SLC24A1: variants seen among roughly 807,000 people sequenced by gnomAD.
SLC24A1 encodes the protein solute carrier family 24 member 1.
In SLC24A1, 52 loss-of-function variants were observed where a neutral mutation model predicts 88.1. That is an observed-to-expected ratio of 0.59 (90% CI 0.47 to 0.74). The LOEUF is 0.74. Among genes scored for constraint, SLC24A1 ranks in the 30% least tolerant of loss-of-function variants. SLC24A1 has a pLI of 0.00. For synonymous variants in SLC24A1, 455 were observed against 498.0 expected, an observed-to-expected ratio of 0.91 and a Z score of 1.15; for missense variants, 1,173 against 1,363.3, an observed-to-expected ratio of 0.86 and a Z score of 2.20.
At chr15:65,652,025 T>G (rs1217142853) in intron 8 of SLC24A1, 2 of 447,020 alleles carry the variant, frequency 4.5e-6, no homozygotes, top group Non-Finnish European at 8.4e-6. Context: ...TTAGCCTTAT[T>G]TCCTGCTTTC....
intron 6 of SLC24A1, among the ~76,000 whole-genome samples, chr15:65,649,849 T>A (rs1335805027): frequency 6.6e-6 from 1 of 152,208 alleles, no homozygotes; most frequent in Non-Finnish European, 1.5e-5. Context: ...AAACATTGTA[T>A]CTAAGACAAG....
At chr15:65,621,229 A>C (rs2074308250), upstream of SLC24A1, among the ~76,000 whole-genome samples, 1 of 152,236 alleles carries the variant, frequency 6.6e-6, no homozygotes, top group African/African-American at 2.4e-5. Flanking sequence ...TGAATGATTG[A>C]AAGGGCTTCC....
intron 2 of SLC24A1, among the ~76,000 whole-genome samples, chr15:65,636,957 C>T (rs975449924): frequency 1.3e-5 from 2 of 151,638 alleles, no homozygotes; most frequent in Non-Finnish European, 2.9e-5. Flanking sequence ...CTCACCTTTA[C>T]TGAGCACCTC....
chr15:65,611,511 G>A (rs936677889), exon 1 of SLC24A1: 1 of 375,664 alleles, frequency 2.7e-6, no homozygotes, highest in African/African-American at 2.0e-5. Context: ...TCACACTTTT[G>A]TCCCCTCACT....
At chr15:65,646,377 G>T (rs146791790) in intron 6 of SLC24A1, among the ~76,000 whole-genome samples, 1 of 151,874 alleles carries the variant, frequency 6.6e-6, no homozygotes, top group East Asian at 1.9e-4. Context: ...ACGCCCGGCC[G>T]TCTCCATGTT....
chr15:65,643,535 T>G (rs957209902), intron 4 of SLC24A1, among the ~76,000 whole-genome samples: 3 of 152,210 alleles, frequency 2.0e-5, no homozygotes, highest in African/African-American at 7.2e-5. Context: ...CTTGCACCAC[T>G]GCCTTCGCCC....
At chr15:65,646,230 C>T (rs1041609530) in intron 6 of SLC24A1, among the ~76,000 whole-genome samples, 10 of 151,980 alleles carry the variant, frequency 6.6e-5, no homozygotes, top group Non-Finnish European at 1.5e-4. Context: ...CCATGTTTTT[C>T]TTTTTTTTAT....
chr15:65,653,629 GTT>G (rs2075580716), intron 9 of SLC24A1, among the ~76,000 whole-genome samples, 199 bp from the exon 10 acceptor site: 1 of 152,096 alleles, frequency 6.6e-6, no homozygotes, highest in African/African-American at 2.4e-5. Context: ...AGCTCTTCTA[GTT>G]ATTAATGAGT....
chr15:65,650,341 G>A lies in SLC24A1; in HGVS notation c.2233-41G>A. Reference sequence around the variant, plus strand: ...GGGAGTAACATAAGGAAAACAAGCAGAGCAGTTACCACACATTAATCTGTT... The same window carrying A: ...GGGAGTAACATAAGGAAAACAAGCAAAGCAGTTACCACACATTAATCTGTT... On this transcript the variant is annotated intron_variant, in intron 6 of 9. Coordinates refer to ENST00000261892, the MANE Select transcript of SLC24A1 (RefSeq NM_004727.3). The surrounding 1 kb of genome is among the most constrained non-coding windows in gnomAD (Gnocchi z 4.1). 1 of 1,487,598 alleles carries A rather than the reference G, an allele frequency of 6.7e-7. No individual in the cohort carries two copies. Among genetic ancestry groups the A allele is most frequent in the Non-Finnish European group, 9.1e-7 (1 of 1,097,674 alleles). 92.1% of individuals were successfully genotyped at this position (1,487,598 alleles called of 1,614,324 possible).
chr15:65,615,456 G>A (rs1008663959), intron 2 of SLC24A1, among the ~76,000 whole-genome samples: 10 of 152,234 alleles, frequency 6.6e-5, no homozygotes, highest in Admixed American at 5.2e-4. Flanking sequence ...GCCGAGGTGG[G>A]TAGATCACTT....
rs557785446 is a variant in SLC24A1 at position 65,641,685 on chromosome 15, C to T, written c.2053+1982C>T. 5.3e-5 allele frequency among the ~76,000 whole-genome samples: 8 copies of T among 152,310 alleles called. No individual in the cohort carries two copies. In the East Asian group the frequency reaches 5.8e-4, roughly 11 times the overall value. On this transcript the variant is annotated intron_variant, in intron 4 of 9. Transcript: ENST00000261892. ...CCTGACAGCCTCTGGTGATGAGTGC[C>T]GGGGTGCTCTGGCCAGGGCCCCATG...
At chr15:65,648,454 G>T (rs535472111) in intron 6 of SLC24A1, among the ~76,000 whole-genome samples, 1 of 152,032 alleles carries the variant, frequency 6.6e-6, no homozygotes, top group South Asian at 2.1e-4. Context: ...CTAATCTGAG[G>T]ACACTCTGAA....
rs1196337592 is a variant in SLC24A1, at chr15:65,650,808, GA to G, written c.2661del (p.Glu888ArgfsTer36). The G allele has an allele frequency of 6.2e-7, 1 of 1,613,632 alleles. No individual in the cohort carries two copies. On this transcript the variant is annotated frameshift_variant, in exon 7 of 10. Coordinates refer to ENST00000261892, the MANE Select transcript of SLC24A1 (RefSeq NM_004727.3). LOFTEE classifies it high-confidence loss of function. The surrounding 1 kb of genome is among the most constrained non-coding windows in gnomAD (Gnocchi z 4.1). ...GGAGGAAGAGGAGGAGGAGGAGGAG[GA>G]AGAGGAGGAGAAGGGAAATGAAGAG... Reference protein sequence around the residue: ...EQEEEEEEEEEEEEKGNEEPL... With the variant: ...EQEEEEEEEEXEEEKGNEEPL...
intron 2 of SLC24A1, among the ~76,000 whole-genome samples, chr15:65,635,446 C>CAAAAAAAAAAAAAAAA (rs56960432): frequency 2.9e-4 from 17 of 58,334 alleles, no homozygotes; most frequent in South Asian, 8.8e-4. Flanking sequence ...ACTCCGTCTC[C>CAAAAAAAAAAAAAAAA]AAAAAAAAAA....
chr15:65,659,321 G>GTTTTTTTTTTTTTT, downstream of SLC24A1: 43 of 66,670 alleles, frequency 6.4e-4, 14 homozygotes, highest in African/African-American at 7.6e-4. Context: ...GATATTTTCT[G>GTTTTTTTTTTTTTT]GTTTTTTTTT....
At chr15:65,651,164 T>G (rs2141714351) in intron 7 of SLC24A1, among the ~76,000 whole-genome samples, 1 of 152,240 alleles carries the variant, frequency 6.6e-6, no homozygotes, top group Admixed American at 6.5e-5. Flanking sequence ...ATGCGCTTTA[T>G]TCCCACTGCT....
At chr15:65,645,388 G>A (rs2075268869) in intron 5 of SLC24A1, among the ~76,000 whole-genome samples, 1 of 152,178 alleles carries the variant, frequency 6.6e-6, no homozygotes, top group South Asian at 2.1e-4. Flanking sequence ...GAATTATAGG[G>A]GAGCACGGAT....
At chr15:65,645,958 A>G (rs908973189) in intron 6 of SLC24A1, among the ~76,000 whole-genome samples, 7 of 152,208 alleles carry the variant, frequency 4.6e-5, no homozygotes, top group Admixed American at 2.0e-4. Flanking sequence ...ATAAGAACAT[A>G]AGGAATAATT....
At chr15:65,641,043 A>G (rs2075109648) in intron 4 of SLC24A1, among the ~76,000 whole-genome samples, 1 of 151,900 alleles carries the variant, frequency 6.6e-6, no homozygotes, top group Admixed American at 6.6e-5. Context: ...CCTAGGCTGC[A>G]GAGTGAGACT....
Sources: allele counts gnomAD v4.1 joint callset (sites outside exome capture counted in the v4.1 genomes callset), GRCh38; gene constraint gnomAD v4.1.1; non-coding constraint Gnocchi (gnomAD v3.1); transcripts MANE v1.5; gene names NCBI Gene and HGNC (gene_info 2026-07-23, HGNC 2026-07-21).